The following BRSK1 variants were observed in gnomAD, a reference collection of about 807,000 sequenced individuals.
BRSK1 encodes BR serine/threonine kinase 1, also known as serine/threonine-protein kinase BRSK1.
BRSK1 carries 17 observed loss-of-function variants against 86.2 expected under a neutral mutation model. That is an observed-to-expected ratio of 0.20 (90% CI 0.14 to 0.30). The LOEUF is 0.30. BRSK1 is among the 10% of genes least tolerant of loss of function. The probability of loss-of-function intolerance (pLI) is 1.00; values close to 1 mark genes in which losing one functional copy is unlikely to be tolerated. For missense variants in BRSK1, 719 were observed against 1,071.9 expected, an observed-to-expected ratio of 0.67 and a Z score of 4.60; for synonymous variants, 464 against 440.1, an observed-to-expected ratio of 1.05 and a Z score of -0.68.
intron 4 of BRSK1, among the ~76,000 whole-genome samples, chr19:55,291,363 A>T (rs557423650): frequency 1.3e-5 from 2 of 151,872 alleles, no homozygotes; most frequent in African/African-American, 4.8e-5. Context: ...ACAAAGTGAG[A>T]TTCCCCCCAT....
At position 55,294,074 on chromosome 19, in the gene BRSK1, T is replaced by C. The variant is rs2088448545; in HGVS notation, c.516T>C (p.Ile172=). The C allele has an allele frequency of 6.2e-7, 1 of 1,613,832 alleles. No individual in the cohort carries two copies. Among genetic ancestry groups the C allele is most frequent in the Non-Finnish European group, 8.5e-7 (1 of 1,179,928 alleles). Residue 172 remains isoleucine (I), a synonymous_variant, in exon 5 of 19, where the codon ATT becomes ATC. Coordinates refer to ENST00000309383, the MANE Select transcript of BRSK1 (RefSeq NM_032430.2). This position sits in a 1 kb window ranked among gnomAD's most constrained non-coding sequence, Gnocchi z 4.9. The stretch of plus-strand genomic sequence containing the variant: ...TGGATGAGAAAAACAACATCCGCAT[T>C]GCAGACTTCGGCATGGCGTCCCTGC... The part of the protein sequence containing the change: ...LLLDEKNNIR[I]ADFGMASLQV...
chr19:55,285,698 C>T (rs1286593046), intron 1 of BRSK1, among the ~76,000 whole-genome samples: 1 of 152,140 alleles, frequency 6.6e-6, no homozygotes, highest in African/African-American at 2.4e-5. Flanking sequence ...TGAACGCTGG[C>T]CACCGGCCGC....
intron 4 of BRSK1, among the ~76,000 whole-genome samples, chr19:55,291,858 G>A (rs558477288): frequency 1.2e-4 from 18 of 152,128 alleles, no homozygotes; most frequent in Non-Finnish European, 2.4e-4. Context: ...TCCCAGGTTC[G>A]AGCGATTCTC....
At chr19:55,311,795 T>G in intron 18 of BRSK1, 116 bp from the exon 19 acceptor site, 17 of 1,101,462 alleles carry the variant, frequency 1.5e-5, no homozygotes, top group Non-Finnish European at 2.2e-5. Context: ...GGATTGGAGC[T>G]AGAGCCTCGG....
chr19:55,304,882 T>C lies in BRSK1; in HGVS notation c.1679T>C (p.Phe560Ser). Residue 560 changes from phenylalanine to serine, a missense_variant, in exon 14 of 19, where the codon TTC becomes TCC. This residue lies in a region of BRSK1 where 180 missense variants were observed against 259.4 expected (regional missense o/e 0.69). Coordinates refer to ENST00000309383, the MANE Select transcript of BRSK1 (RefSeq NM_032430.2). This position sits in a 1 kb window ranked among gnomAD's most constrained non-coding sequence, Gnocchi z 5.2. ...CGTCTCAACTCCATCCGCAACAGCT[T>C]CCTGGGCTCCCCTCGCTTTCACCGG... Reference protein sequence around the residue: ...RSRLNSIRNSFLGSPRFHRRK... With the variant: ...RSRLNSIRNSSLGSPRFHRRK... 1 of 1,609,614 alleles carries C rather than the reference T, an allele frequency of 6.2e-7. No individual in the cohort carries two copies. Among genetic ancestry groups the C allele is most frequent in the Non-Finnish European group, 8.5e-7 (1 of 1,179,794 alleles).
intron 4 of BRSK1, among the ~76,000 whole-genome samples, chr19:55,289,974 C>A (rs540059688): frequency 6.6e-6 from 1 of 151,946 alleles, no homozygotes; most frequent in Non-Finnish European, 1.5e-5. Context: ...TGGAATCATA[C>A]GATACATGGC....
In BRSK1 at chr19:55,303,977, A is replaced by G. The variant is rs2122981230; in HGVS notation, c.1287-73A>G. The G allele has an allele frequency of 6.5e-7, 1 of 1,542,570 alleles. No individual in the cohort carries two copies. Among genetic ancestry groups the G allele is most frequent in the Non-Finnish European group, 8.8e-7 (1 of 1,142,760 alleles). ...ATTTCCTCACCTGGAAGGACTGTAG[A>G]AGTGAGGGAACATCTGTGGTTTTTG... is the stretch of plus-strand genomic sequence containing the variant. On this transcript the variant is annotated intron_variant, in intron 12 of 18. Transcript: ENST00000309383. The surrounding 1 kb of genome is among the most constrained non-coding windows in gnomAD (Gnocchi z 5.1).
intron 16 of BRSK1, 32 bp downstream of exon 16, chr19:55,305,618 C>T: frequency 6.2e-7 from 1 of 1,613,102 alleles, no homozygotes. Flanking sequence ...CGAGCCTGGC[C>T]CCCGCAGAAC....
At chr19:55,295,391 G>A (rs1047145215) in intron 7 of BRSK1, among the ~76,000 whole-genome samples, 2 of 152,120 alleles carry the variant, frequency 1.3e-5, no homozygotes, top group African/African-American at 4.8e-5. Context: ...CCAAAGTGTT[G>A]GGATTACATG....
chr19:55,306,457 C>A lies in BRSK1; in HGVS notation c.2089+7C>A. The A allele has an allele frequency of 6.2e-7, 1 of 1,611,500 alleles. No individual in the cohort carries two copies. Among genetic ancestry groups the A allele is most frequent in the Non-Finnish European group, 8.5e-7 (1 of 1,179,868 alleles). On this transcript the variant is annotated splice_region_variant and intron_variant, in intron 17 of 18. Transcript: ENST00000309383. The surrounding 1 kb of genome is among the most constrained non-coding windows in gnomAD (Gnocchi z 4.7). ...ACCTTCACTCTCATCTCGGGTGAGTCTCTTGGCTAGGCTGCCTGCAGCCCA... is the reference window on the plus strand; with the variant it reads ...ACCTTCACTCTCATCTCGGGTGAGTATCTTGGCTAGGCTGCCTGCAGCCCA...
chr19:55,301,951 G>C, intron 8 of BRSK1, 186 bp from the exon 9 acceptor site: 2 of 848,692 alleles, frequency 2.4e-6, no homozygotes, highest in Non-Finnish European at 3.9e-6. Flanking sequence ...GGGGTACACG[G>C]AGACCGCGCG....
chr19:55,296,462 C>T (rs2088488666), intron 7 of BRSK1, among the ~76,000 whole-genome samples: 1 of 152,122 alleles, frequency 6.6e-6, no homozygotes, highest in Admixed American at 6.6e-5. Flanking sequence ...CTTTGGGAGG[C>T]CAAGGTGGGA....
intron 4 of BRSK1, 139 bp downstream of exon 4, chr19:55,289,759 G>A: frequency 8.9e-7 from 1 of 1,125,038 alleles, no homozygotes; most frequent in Non-Finnish European, 1.2e-6. Context: ...TCATACACCA[G>A]AAAATTCCTC....
intron 18 of BRSK1, 148 bp from the exon 19 acceptor site, chr19:55,311,763 T>C (rs1192685535): frequency 1.2e-6 from 1 of 810,150 alleles, no homozygotes; most frequent in African/African-American, 1.8e-5. Context: ...GGCCAGGTGC[T>C]GGACGGACTG....
intron 7 of BRSK1, among the ~76,000 whole-genome samples, chr19:55,300,478 A>G (rs1026519185): frequency 1.3e-5 from 2 of 151,940 alleles, no homozygotes; most frequent in Non-Finnish European, 2.9e-5. Flanking sequence ...TGAGGCGGGC[A>G]GATCACCTGA....
intron 17 of BRSK1, among the ~76,000 whole-genome samples, chr19:55,307,244 T>TTATTTTTCTGTCCCCCTTAAAGACTAACA: frequency 1.3e-5 from 2 of 152,324 alleles, no homozygotes; most frequent in Admixed American, 6.5e-5. Flanking sequence ...TTATGACTCT[T>TTATTTTTCTGTCCCCCTTAAAGACTAACA]TATTTTTCTG....
Position 55,308,636 on chromosome 19 carries a change from T to C in BRSK1, c.2090-3T>C. The C allele has an allele frequency of 6.2e-7, 1 of 1,609,004 alleles. No individual in the cohort carries two copies. The highest frequency in any genetic ancestry group is 1.1e-5 in the South Asian group (1 of 90,942). ...GTGTTTTTCTGCCCGCCTGTGCCTCTAGGTCCCAGCCGTCGGTTCAAGCGA... is the reference window on the plus strand; with the variant it reads ...GTGTTTTTCTGCCCGCCTGTGCCTCCAGGTCCCAGCCGTCGGTTCAAGCGA... On this transcript the variant is annotated splice_polypyrimidine_tract_variant and splice_region_variant and intron_variant, in intron 17 of 18. Transcript: ENST00000309383.
Position 55,304,357 on chromosome 19 carries a change from G to T in BRSK1, c.1348-194G>T, listed in dbSNP as rs1228479396. On this transcript the variant is annotated intron_variant, in intron 13 of 18. Coordinates refer to ENST00000309383, the MANE Select transcript of BRSK1 (RefSeq NM_032430.2). This position sits in a 1 kb window ranked among gnomAD's most constrained non-coding sequence, Gnocchi z 5.2. The stretch of plus-strand genomic sequence containing the variant: ...CCTGCTGTGTACTAGTATCTGCACC[G>T]GCTGGGTTTTCAGCCCACAGCATGA... 5.9e-5 allele frequency among the ~76,000 whole-genome samples: 9 copies of T among 152,174 alleles called. No individual in the cohort carries two copies. Among genetic ancestry groups the T allele is most frequent in the Non-Finnish European group, 1.0e-4 (7 of 68,028 alleles).
Position 55,287,340 on chromosome 19 carries a change from C to T in BRSK1, c.317+41C>T. On this transcript the variant is annotated intron_variant, in intron 3 of 18. Transcript: ENST00000309383. This position sits in a 1 kb window ranked among gnomAD's most constrained non-coding sequence, Gnocchi z 5.3. ...CACCCAGCCCTACCCCATCCTCCCT[C>T]TCCAGGTTACCAGGGTGGGACTTCT... 6.3e-7 allele frequency: 1 copy of T among 1,592,124 alleles called. No individual in the cohort carries two copies. The highest frequency in any genetic ancestry group is 1.3e-5 in the African/African-American group (1 of 74,564).
Sources: gnomAD v4.1 joint callset for allele counts (sites outside exome capture counted in the v4.1 genomes callset) on GRCh38, gnomAD v4.1.1 for gene constraint, gnomAD v4.1.1 regional missense constraint, Gnocchi (gnomAD v3.1) non-coding constraint, MANE v1.5 for transcripts, NCBI Gene and HGNC (gene_info 2026-07-23, HGNC 2026-07-21) for gene names.